The following CMIP variants were observed in gnomAD, a reference collection of about 807,000 sequenced individuals.
CMIP encodes the protein C-Maf-inducing protein.
Under a neutral mutation model 97.3 loss-of-function variants are expected in CMIP, and 13 were observed. That is an observed-to-expected ratio of 0.13 (90% CI 0.09 to 0.21). CMIP has a LOEUF of 0.21. Among genes scored for constraint, CMIP ranks in the 10% least tolerant of loss-of-function variants. CMIP has a pLI of 1.00. For missense variants in CMIP, 847 were observed against 1,024.9 expected (o/e 0.83, Z 2.37); for synonymous variants, 538 against 436.3 (o/e 1.23, Z -2.91).
chr16:81,449,371 T>C (rs528158797), intron 1 of CMIP, among the ~76,000 whole-genome samples: 53 of 152,324 alleles, frequency 3.5e-4, no homozygotes, highest in Non-Finnish European at 5.6e-4. Context: ...TTCATTCTCA[T>C]TGGTTTCTTT....
chr16:81,628,568 C>G (rs1278938850), intron 3 of CMIP, among the ~76,000 whole-genome samples: 1 of 152,234 alleles, frequency 6.6e-6, no homozygotes, highest in Non-Finnish European at 1.5e-5. Context: ...GGTCACACAG[C>G]TGTTCAATGG....
At chr16:81,586,437 G>A (rs2091383939) in intron 1 of CMIP, among the ~76,000 whole-genome samples, 1 of 152,056 alleles carries the variant, frequency 6.6e-6, no homozygotes, top group Admixed American at 6.5e-5. Context: ...ATCCTTGGGG[G>A]CCCAAGAGTC....
chr16:81,662,205 C>A (rs1452036381), intron 6 of CMIP, among the ~76,000 whole-genome samples: 3 of 152,184 alleles, frequency 2.0e-5, no homozygotes, highest in Non-Finnish European at 4.4e-5. Flanking sequence ...TAACCCAAAC[C>A]TGCCCCATGC....
At chr16:81,671,263 G>C (rs146020508) in intron 8 of CMIP, among the ~76,000 whole-genome samples, 1 of 152,200 alleles carries the variant, frequency 6.6e-6, no homozygotes, top group African/African-American at 2.4e-5. Context: ...TGCCAGAACC[G>C]TGGTGACACC....
intron 1 of CMIP, among the ~76,000 whole-genome samples, chr16:81,455,433 G>C (rs1052313058): frequency 2.0e-5 from 3 of 152,232 alleles, no homozygotes; most frequent in African/African-American, 7.2e-5. Context: ...TGGGAGGTCC[G>C]TCCTGTTGGA....
At chr16:81,547,776 A>C (rs988956337) in intron 1 of CMIP, among the ~76,000 whole-genome samples, 4 of 152,140 alleles carry the variant, frequency 2.6e-5, no homozygotes, top group African/African-American at 7.2e-5. Context: ...AGGCTGGCTC[A>C]CAGTTGTGGG....
chr16:81,555,631 G>A (rs187326394), intron 1 of CMIP, among the ~76,000 whole-genome samples: 157 of 152,286 alleles, frequency 1.0e-3, no homozygotes, highest in African/African-American at 3.4e-3. Flanking sequence ...TTCCCTAGGC[G>A]GCCTGGCAGT....
chr16:81,633,014 C>T (rs974466142), intron 3 of CMIP, among the ~76,000 whole-genome samples: 1 of 152,140 alleles, frequency 6.6e-6, no homozygotes, highest in Non-Finnish European at 1.5e-5. Context: ...CCCGAGCGTT[C>T]GTGTGTCATC....
Position 81,709,900 on chromosome 16 carries a change from T to G in CMIP, c.*101T>G. On this transcript the variant is annotated 3_prime_UTR_variant, in exon 21 of 21. Coordinates refer to ENST00000537098, the MANE Select transcript of CMIP (RefSeq NM_198390.3). The stretch of plus-strand genomic sequence containing the variant: ...GTCCTGGGGTCCCACCCTGGTGCCC[T>G]GGCTGTGAGATAGATGGGGAGTCTT... 1.4e-6 allele frequency: 1 copy of G among 691,430 alleles called. No individual in the cohort carries two copies. The highest frequency in any genetic ancestry group is 2.0e-6 in the Non-Finnish European group (1 of 512,776). 42.8% of individuals were successfully genotyped at this position (691,430 alleles called of 1,614,324 possible). A position where few individuals can be genotyped will look rare whatever the true frequency, so the allele number is the denominator to read the frequency against.
chr16:81,564,500 A>T (rs2966119), intron 1 of CMIP, among the ~76,000 whole-genome samples: 2 of 152,080 alleles, frequency 1.3e-5, no homozygotes, highest in Non-Finnish European at 2.9e-5. Flanking sequence ...AATCCCCTAG[A>T]GTTGATGTGG....
intron 1 of CMIP, among the ~76,000 whole-genome samples, chr16:81,584,797 C>T (rs942844800): frequency 6.6e-6 from 1 of 152,192 alleles, no homozygotes; most frequent in Non-Finnish European, 1.5e-5. Flanking sequence ...ACTTCATTCT[C>T]CCTCTGTCCA....
At chr16:81,678,153 A>C (rs1904460966) in intron 9 of CMIP, 122 bp from the exon 10 acceptor site, 2 of 701,490 alleles carry the variant, frequency 2.9e-6, no homozygotes, top group African/African-American at 3.6e-5. Context: ...GTAGCACAGG[A>C]ATGATGATAG....
intron 6 of CMIP, among the ~76,000 whole-genome samples, chr16:81,661,245 G>A (rs4548853): frequency 0.34 from 51,786 of 152,186 alleles, 9,231 homozygotes; most frequent in Middle Eastern, 0.49. Flanking sequence ...GTCAGAGCTG[G>A]GTTATTATTA....
intron 10 of CMIP, among the ~76,000 whole-genome samples, chr16:81,682,363 G>A (rs561043066): frequency 1.1e-3 from 166 of 152,132 alleles, no homozygotes; most frequent in African/African-American, 3.5e-3. Flanking sequence ...TCGGGAGTTC[G>A]AGACCAGCCT....
intron 1 of CMIP, among the ~76,000 whole-genome samples, chr16:81,498,393 T>C (rs759719055): frequency 6.6e-6 from 1 of 152,176 alleles, no homozygotes; most frequent in Non-Finnish European, 1.5e-5. Flanking sequence ...ATGCGGCCCT[T>C]GTCCCCCGGC....
At position 81,567,663 on chromosome 16, in the gene CMIP, T is replaced by C. The variant is rs538970309; in HGVS notation, c.301-39904T>C. Among the ~76,000 whole-genome samples, 9 of 152,310 alleles carry C rather than the reference T, an allele frequency of 5.9e-5. No individual in the cohort carries two copies. In the South Asian group the frequency reaches 1.7e-3, roughly 28 times the overall value. ...GAAAGTCCCTTTCCCTCTCACAGTA[T>C]GCCACGCCGCCCTCAGGACCCTCCT... is the stretch of plus-strand genomic sequence containing the variant. On this transcript the variant is annotated intron_variant, in intron 1 of 20. Transcript: ENST00000537098.
chr16:81,524,292 C>T (rs1455303888), intron 1 of CMIP, among the ~76,000 whole-genome samples: 4 of 152,202 alleles, frequency 2.6e-5, no homozygotes, highest in Non-Finnish European at 5.9e-5. Flanking sequence ...GGTAACATGG[C>T]ACATGAAACA....
intron 1 of CMIP, among the ~76,000 whole-genome samples, chr16:81,580,606 T>C (rs2091280270): frequency 6.6e-6 from 1 of 152,026 alleles, no homozygotes; most frequent in African/African-American, 2.4e-5. Flanking sequence ...CAGCTAATTT[T>C]TGCATTTTTA....
chr16:81,527,110 G>C (rs879450302), intron 1 of CMIP, among the ~76,000 whole-genome samples: 2 of 152,212 alleles, frequency 1.3e-5, no homozygotes, highest in African/African-American at 4.8e-5. Context: ...TGTTTTCTTG[G>C]TTTTTGTCTG....
Sources: allele counts gnomAD v4.1 joint callset (sites outside exome capture counted in the v4.1 genomes callset), GRCh38; gene constraint gnomAD v4.1.1; transcripts MANE v1.5; gene names NCBI Gene and HGNC (gene_info 2026-07-23, HGNC 2026-07-21).